SDK1: variants seen among roughly 807,000 people sequenced by gnomAD.
SDK1 encodes the protein sidekick cell adhesion molecule 1, also known as protein sidekick-1.
In SDK1, 157 loss-of-function variants were observed where a neutral mutation model predicts 245.5. That is an observed-to-expected ratio of 0.64 (90% CI 0.56 to 0.73). SDK1 has a LOEUF of 0.73. SDK1 is among the 30% of genes least tolerant of loss of function. The pLI is 0.00. For missense variants in SDK1, 3,583 were observed against 3,002.3 expected (o/e 1.19, Z -4.52); for synonymous variants, 1,647 against 1,278.5 (o/e 1.29, Z -6.15).
chr7:3,442,168 G>A (rs1003423202), intron 1 of SDK1, among the ~76,000 whole-genome samples: 1 of 152,192 alleles, frequency 6.6e-6, no homozygotes, highest in East Asian at 1.9e-4. Flanking sequence ...TTATTATTGG[G>A]AGCAGCCTAA....
At position 4,244,696 on chromosome 7, in the gene SDK1, A is replaced by G. The variant is rs148353860; in HGVS notation, c.6252-980A>G. On this transcript the variant is annotated intron_variant, in intron 43 of 44. Transcript: ENST00000404826. ...CTGGGTCCTCTGCTCAGGGCCTTGC[A>G]TGGGTGTAATCCAGGTGTAGATGGG... Among the ~76,000 whole-genome samples, 784 of 152,336 alleles carry G rather than the reference A, an allele frequency of 5.1e-3. 4 individuals are homozygous for G. Among genetic ancestry groups the G allele is most frequent in the African/African-American group, 0.018 (734 of 41,586 alleles).
At chr7:3,793,508 G>C (rs1433446996) in intron 4 of SDK1, among the ~76,000 whole-genome samples, 2 of 152,172 alleles carry the variant, frequency 1.3e-5, no homozygotes, top group Admixed American at 6.5e-5. Flanking sequence ...ATAGTCTTCA[G>C]GTTTCTTTCT....
intron 1 of SDK1, among the ~76,000 whole-genome samples, chr7:3,508,421 C>A (rs867989903): frequency 2.0e-5 from 3 of 150,464 alleles, no homozygotes; most frequent in African/African-American, 7.4e-5. Flanking sequence ...TCTACCTCCT[C>A]GGTTCAAACA....
chr7:3,585,558 CTGAAGA>C (rs938094102), intron 1 of SDK1, among the ~76,000 whole-genome samples: 20 of 152,172 alleles, frequency 1.3e-4, no homozygotes, highest in African/African-American at 4.1e-4. Context: ...TGCAAGAGCC[CTGAAGA>C]GGAAGAGGAA....
At chr7:3,658,875 C>T (rs1783270577) in intron 4 of SDK1, among the ~76,000 whole-genome samples, 1 of 152,186 alleles carries the variant, frequency 6.6e-6, no homozygotes, top group Admixed American at 6.5e-5. Context: ...ACTTCAGCCT[C>T]TCAAAGTGCT....
intron 4 of SDK1, among the ~76,000 whole-genome samples, chr7:3,798,779 A>G (rs1260522850): frequency 6.6e-6 from 1 of 152,158 alleles, no homozygotes; most frequent in African/African-American, 2.4e-5. Flanking sequence ...GCCCCCTCCT[A>G]CTAGAAGGAG....
At chr7:3,876,360 G>T (rs529968498) in intron 5 of SDK1, among the ~76,000 whole-genome samples, 7 of 152,284 alleles carry the variant, frequency 4.6e-5, no homozygotes, top group African/African-American at 1.4e-4. Flanking sequence ...CAATGCTGCA[G>T]GTCCTGTTTT....
intron 4 of SDK1, among the ~76,000 whole-genome samples, chr7:3,766,232 T>G (rs1209906284): frequency 6.6e-6 from 1 of 152,202 alleles, no homozygotes; most frequent in Non-Finnish European, 1.5e-5. Flanking sequence ...TAGTTAATAT[T>G]AAATAAGTAA....
At chr7:4,200,702 C>G (rs1263866229) in intron 35 of SDK1, among the ~76,000 whole-genome samples, 1 of 152,224 alleles carries the variant, frequency 6.6e-6, no homozygotes, top group Non-Finnish European at 1.5e-5. Flanking sequence ...AGCAGGTGAG[C>G]AGGAGAGATG....
At chr7:3,578,738 C>T (rs752955123) in intron 1 of SDK1, among the ~76,000 whole-genome samples, 4 of 151,816 alleles carry the variant, frequency 2.6e-5, no homozygotes, top group Admixed American at 6.6e-5. Context: ...AAGACAAATA[C>T]GGCTCTTTTT....
chr7:3,893,232 G>A (rs1431154015), intron 5 of SDK1, among the ~76,000 whole-genome samples: 1 of 152,118 alleles, frequency 6.6e-6, no homozygotes, highest in South Asian at 2.1e-4. Flanking sequence ...CTCCGGCCCC[G>A]GTTCTGCCTC....
intron 5 of SDK1, among the ~76,000 whole-genome samples, chr7:3,910,464 A>G (rs1397001285): frequency 1.3e-5 from 2 of 152,184 alleles, no homozygotes; most frequent in East Asian, 1.9e-4. Flanking sequence ...TGTGCCGGGC[A>G]TCTGTGTCCT....
chr7:3,624,665 A>G lies in SDK1; in HGVS notation c.458+5426A>G, dbSNP rs185298187. ...TTTCTAAAACCCAAGGCATATTAGA[A>G]TGCCATAATAAGTAACATGTTAATA... On this transcript the variant is annotated intron_variant, in intron 2 of 44. Transcript: ENST00000404826. Among the ~76,000 whole-genome samples, 548 of 152,308 alleles carry G rather than the reference A, an allele frequency of 3.6e-3. 3 individuals are homozygous for G. The highest frequency in any genetic ancestry group is 6.0e-3 in the Non-Finnish European group (411 of 68,026).
chr7:4,136,586 A>C (rs1158540818), intron 28 of SDK1, among the ~76,000 whole-genome samples: 1 of 152,238 alleles, frequency 6.6e-6, no homozygotes, highest in Non-Finnish European at 1.5e-5. Flanking sequence ...TTTAGCATTT[A>C]GAACTTTTCT....
At chr7:4,100,847 G>A (rs556156804) in intron 22 of SDK1, among the ~76,000 whole-genome samples, 57 of 152,284 alleles carry the variant, frequency 3.7e-4, no homozygotes, top group African/African-American at 1.3e-3. Flanking sequence ...AATTGGAGTC[G>A]GGTGAGATGG....
At chr7:3,331,091 C>G (rs1251161225) in intron 1 of SDK1, among the ~76,000 whole-genome samples, 1 of 152,022 alleles carries the variant, frequency 6.6e-6, no homozygotes, top group Non-Finnish European at 1.5e-5. Flanking sequence ...TGGTGAAACC[C>G]CGTCTCTACT....
intron 1 of SDK1, among the ~76,000 whole-genome samples, chr7:3,420,841 G>T (rs1206764790): frequency 6.6e-6 from 1 of 152,058 alleles, no homozygotes; most frequent in Non-Finnish European, 1.5e-5. Flanking sequence ...TTGCTGCACC[G>T]ATTAACCCAT....
chr7:3,879,874 A>G (rs1262062574), intron 5 of SDK1, among the ~76,000 whole-genome samples: 2 of 152,166 alleles, frequency 1.3e-5, no homozygotes, highest in African/African-American at 2.4e-5. Context: ...AAGCTGATGC[A>G]TGGAGCTGAT....
At chr7:4,029,778 G>T (rs1198477466) in intron 17 of SDK1, among the ~76,000 whole-genome samples, 1 of 152,158 alleles carries the variant, frequency 6.6e-6, no homozygotes, top group Non-Finnish European at 1.5e-5. Context: ...TGGCATCCCT[G>T]TCAAATATGC....
Sources: gnomAD v4.1 joint callset for allele counts (sites outside exome capture counted in the v4.1 genomes callset) on GRCh38, gnomAD v4.1.1 for gene constraint, MANE v1.5 for transcripts, NCBI Gene and HGNC (gene_info 2026-07-23, HGNC 2026-07-21) for gene names.